CLEC2D: variants seen among roughly 807,000 people sequenced by gnomAD.
CLEC2D encodes the protein C-type lectin related f.
A neutral mutation model predicts 20.0 loss-of-function variants in CLEC2D; 16 were observed. The observed-to-expected ratio is 0.80, with a 90% CI of 0.54 to 1.22. The LOEUF is 1.22. CLEC2D is among the 50% of genes most tolerant of loss of function. The pLI, the probability that CLEC2D is intolerant of heterozygous loss-of-function variation, is 0.00. For synonymous variants in CLEC2D, 77 were observed against 71.1 expected (o/e 1.08, Z -0.42); for missense variants, 207 against 221.5 (o/e 0.93, Z 0.42).
chr12:9,688,213 T>TTC, intron 3 of CLEC2D, 127 bp downstream of exon 3: 1 of 1,221,026 alleles, frequency 8.2e-7, no homozygotes, highest in Non-Finnish European at 1.0e-6. Context: ...TTTTTTTTTT[T>TTC]TGCATAACGA....
At chr12:9,688,768 G>C (rs11052430) in intron 3 of CLEC2D, among the ~76,000 whole-genome samples, 2 of 152,208 alleles carry the variant, frequency 1.3e-5, no homozygotes, top group Admixed American at 6.5e-5. Flanking sequence ...TGTCATAGAG[G>C]TTGGTAGACT....
At chr12:9,677,707 C>CTTTTTTTTTT (rs36120151) in intron 1 of CLEC2D, among the ~76,000 whole-genome samples, 49 of 122,380 alleles carry the variant, frequency 4.0e-4, no homozygotes, top group African/African-American at 4.6e-4. Context: ...TTCTTTCTTT[C>CTTTTTTTTTT]TTTTTTTTTT....
At position 9,695,528 on chromosome 12, in the gene CLEC2D, CAG is replaced by C. The variant is rs1252636208; in HGVS notation, c.*655_*656del. On this transcript the variant is annotated 3_prime_UTR_variant, in exon 5 of 5. Coordinates refer to ENST00000290855, the MANE Select transcript of CLEC2D (RefSeq NM_013269.6). ...CAGTTATCTTTAAGAACGGTCAGCT[CAG>C]GGGCTGGTGCAAAGGATGAACTGCA... 27 of 1,260,942 alleles carry C rather than the reference CAG, an allele frequency of 2.1e-5. No individual in the cohort carries two copies. The highest frequency in any genetic ancestry group is 6.9e-5 in the East Asian group (3 of 43,284). The allele number at this position is 1,260,942 out of a possible 1,614,324, so 78.1% of individuals were successfully genotyped here.
rs1866044540 is a variant in CLEC2D at position 9,698,178 on chromosome 12, AT to A, written c.*3306del. 1 of 152,220 alleles carries A rather than the reference AT, an allele frequency of 6.6e-6. No individual in the cohort carries two copies. The highest frequency in any genetic ancestry group is 2.1e-4 in the South Asian group (1 of 4,838). 9.4% of individuals were successfully genotyped at this position (152,220 alleles called of 1,614,324 possible). Reference sequence around the variant, plus strand: ...TGATATATGTGTACACTATGGAATGATTAAATCAAACTAACATTTCATCATC... The same window carrying A: ...TGATATATGTGTACACTATGGAATGATAAATCAAACTAACATTTCATCATC... On this transcript the variant is annotated 3_prime_UTR_variant, in exon 5 of 5. Coordinates refer to ENST00000290855, the MANE Select transcript of CLEC2D (RefSeq NM_013269.6).
chr12:9,695,339 A>G lies in CLEC2D; in HGVS notation c.*465A>G, dbSNP rs979814612. 22 of 998,710 alleles carry G rather than the reference A, an allele frequency of 2.2e-5. No individual in the cohort carries two copies. The highest frequency in any genetic ancestry group is 3.5e-5 in the Non-Finnish European group (22 of 635,896). The allele number at this position is 998,710 out of a possible 1,614,324, so 61.9% of individuals were successfully genotyped here. A position where few individuals can be genotyped will look rare whatever the true frequency, so the allele number is the denominator to read the frequency against. On this transcript the variant is annotated 3_prime_UTR_variant, in exon 5 of 5. Transcript: ENST00000290855. ...CTGTTCTCTGGAGCAGCATTCATTT[A>G]TCTTCGTCTGCCTTGTCTCCTACCT...
At position 9,695,459 on chromosome 12, in the gene CLEC2D, G is replaced by A. The variant is rs1307465907; in HGVS notation, c.*585G>A. 2.6e-5 allele frequency: 35 copies of A among 1,327,526 alleles called. No homozygotes were observed. The highest frequency in any genetic ancestry group is 2.7e-5 in the Non-Finnish European group (25 of 936,048). 82.2% of individuals were successfully genotyped at this position (1,327,526 alleles called of 1,614,324 possible). On this transcript the variant is annotated 3_prime_UTR_variant, in exon 5 of 5. Transcript: ENST00000290855. ...TCTTTTCAGTTGTGAACTAAAGGCC[G>A]ACAAAGATGATCACTTTAAGGTGGA...
intron 1 of CLEC2D, among the ~76,000 whole-genome samples, chr12:9,673,687 T>G (rs1865466750): frequency 6.6e-6 from 1 of 152,202 alleles, no homozygotes. Context: ...GCCTCTCCCC[T>G]CAGGTTCTCT....
chr12:9,688,751 A>G (rs746096257), intron 3 of CLEC2D, among the ~76,000 whole-genome samples: 1 of 152,302 alleles, frequency 6.6e-6, no homozygotes, highest in Non-Finnish European at 1.5e-5. Flanking sequence ...AAGTCAAGCA[A>G]GAATGATGTC....
rs555705187 is a variant in CLEC2D, at chr12:9,685,508, C to T, written c.173-2394C>T. Among the ~76,000 whole-genome samples, 69 of 152,354 alleles carry T rather than the reference C, an allele frequency of 4.5e-4. 1 individual carries two copies. The Middle Eastern group carries it at 0.01, about 23-fold the overall frequency. On this transcript the variant is annotated intron_variant, in intron 2 of 4. Transcript: ENST00000290855. ...TTTATCTATAAGCCCCTGACTGGGG[C>T]TGCTGCCTTTCTTTCAGAGATGCCC... is the stretch of plus-strand genomic sequence containing the variant.
chr12:9,686,219 C>A (rs149734073), intron 2 of CLEC2D, among the ~76,000 whole-genome samples: 3,279 of 151,714 alleles, frequency 0.022, 115 homozygotes, highest in African/African-American at 0.076. Context: ...CCTGGTACCT[C>A]AGTTGGAAAT....
At chr12:9,692,118 T>C (rs1419026640) in intron 3 of CLEC2D, among the ~76,000 whole-genome samples, 2 of 151,922 alleles carry the variant, frequency 1.3e-5, no homozygotes, top group Non-Finnish European at 2.9e-5. Context: ...TCTTTCTTTC[T>C]CTTTCTTTCG....
chr12:9,697,878 C>T lies in CLEC2D; in HGVS notation c.*3004C>T, dbSNP rs891788729. The T allele has an allele frequency of 1.3e-5, 2 of 152,074 alleles. No homozygotes were observed. The highest frequency in any genetic ancestry group is 4.8e-5 in the African/African-American group (2 of 41,408). The allele number at this position is 152,074 out of a possible 1,614,324, so 9.4% of individuals were successfully genotyped here. ...GTATGAGGACTATAATAGTATTGCA[C>T]TGTGTACTGAAAACTTGATGACAGA... On this transcript the variant is annotated 3_prime_UTR_variant, in exon 5 of 5. Coordinates refer to ENST00000290855, the MANE Select transcript of CLEC2D (RefSeq NM_013269.6).
intron 2 of CLEC2D, among the ~76,000 whole-genome samples, chr12:9,681,871 TAC>T (rs1306340465): frequency 6.6e-6 from 1 of 152,216 alleles, no homozygotes; most frequent in East Asian, 1.9e-4. Context: ...ATATACTTTA[TAC>T]ATTTATGAAG....
At chr12:9,677,385 GTATTGT>G (rs1865540570) in intron 1 of CLEC2D, among the ~76,000 whole-genome samples, 1 of 151,980 alleles carries the variant, frequency 6.6e-6, no homozygotes, top group South Asian at 2.1e-4. Flanking sequence ...GTTTAGAAAC[GTATTGT>G]TTAATCTCCA....
At position 9,693,238 on chromosome 12, in the gene CLEC2D, T is replaced by C. The variant is rs1035809468; in HGVS notation, c.461+307T>C. 130 of 686,064 alleles carry C rather than the reference T, an allele frequency of 1.9e-4. 1 individual carries two copies. The highest frequency in any genetic ancestry group is 2.7e-4 in the Non-Finnish European group (106 of 389,150). 42.5% of individuals were successfully genotyped at this position (686,064 alleles called of 1,614,324 possible). A position where few individuals can be genotyped will look rare whatever the true frequency, so the allele number is the denominator to read the frequency against. ...CCTTACCTCCACAACAAAATTAAAT[T>C]GCACTTGTCCTCCTGATTTCACAGG... On this transcript the variant is annotated intron_variant, in intron 4 of 4. Coordinates refer to ENST00000290855, the MANE Select transcript of CLEC2D (RefSeq NM_013269.6).
intron 3 of CLEC2D, among the ~76,000 whole-genome samples, chr12:9,692,172 A>G (rs1031702870): frequency 2.6e-5 from 4 of 151,742 alleles, no homozygotes; most frequent in Non-Finnish European, 4.4e-5. Flanking sequence ...ATCTCACTCT[A>G]TTGCCCAGGC....
intron 3 of CLEC2D, among the ~76,000 whole-genome samples, chr12:9,688,719 A>G (rs1053716398): frequency 7.8e-5 from 10 of 128,164 alleles, no homozygotes; most frequent in Non-Finnish European, 1.5e-4. Context: ...CTATCTCAAA[A>G]AAATAATAAA....
intron 2 of CLEC2D, among the ~76,000 whole-genome samples, chr12:9,687,301 A>G (rs953401167): frequency 6.6e-6 from 1 of 152,202 alleles, no homozygotes; most frequent in Non-Finnish European, 1.5e-5. Context: ...CACAACCTAG[A>G]TTCCTCACAT....
intron 3 of CLEC2D, among the ~76,000 whole-genome samples, chr12:9,690,917 T>C (rs1157199802): frequency 6.6e-6 from 1 of 151,980 alleles, no homozygotes; most frequent in Non-Finnish European, 1.5e-5. Flanking sequence ...TCACATTAAA[T>C]AGAAAAGGAT....
Sources: allele counts gnomAD v4.1 joint callset (sites outside exome capture counted in the v4.1 genomes callset), GRCh38; gene constraint gnomAD v4.1.1; transcripts MANE v1.5; gene names NCBI Gene and HGNC (gene_info 2026-07-23, HGNC 2026-07-21).